AKAP13: variants seen among roughly 807,000 people sequenced by gnomAD.
AKAP13 encodes the protein A-kinase anchoring protein 13.
In AKAP13, 80 loss-of-function variants were observed where a neutral mutation model predicts 264.5. The observed-to-expected ratio is 0.30, with a 90% CI of 0.25 to 0.36. The LOEUF is 0.36. Among genes scored for constraint, AKAP13 ranks in the 10% least tolerant of loss-of-function variants. The pLI is 1.00. For synonymous variants in AKAP13, 1,380 were observed against 1,250.2 expected (o/e 1.10, Z -2.19); for missense variants, 3,712 against 3,435.2 (o/e 1.08, Z -2.01).
At chr15:85,575,701 A>AG (rs2151299047) in intron 6 of AKAP13, among the ~76,000 whole-genome samples, 1 of 152,284 alleles carries the variant, frequency 6.6e-6, no homozygotes, top group South Asian at 2.1e-4. Flanking sequence ...CAAAAAAAAA[A>AG]AAACTTTCCT....
chr15:85,537,598 C>G (rs1353985536), intron 4 of AKAP13, among the ~76,000 whole-genome samples: 2 of 152,164 alleles, frequency 1.3e-5, no homozygotes, highest in Non-Finnish European at 2.9e-5. Context: ...CTTAAGTCTC[C>G]CTGAACTTCA....
intron 7 of AKAP13, 121 bp downstream of exon 7, chr15:85,582,228 G>A: frequency 8.8e-7 from 1 of 1,132,724 alleles, no homozygotes; most frequent in Non-Finnish European, 1.2e-6. Flanking sequence ...TCATTGGGTA[G>A]GTAGCCAAGT....
rs568459648 is a variant in AKAP13 at position 85,662,701 on chromosome 15, T to A, written c.4800-1862T>A. Among the ~76,000 whole-genome samples, 7 of 152,310 alleles carry A rather than the reference T, an allele frequency of 4.6e-5. No homozygotes were observed. The South Asian group carries it at 1.5e-3, about 32-fold the overall frequency. On this transcript the variant is annotated intron_variant, in intron 12 of 36. Transcript: ENST00000394518. ...TAGATTTGATGTTTTCTGCACAGATTTATCTCTCTCTGTTTTGGTTTGTCT... is the reference window on the plus strand; with the variant it reads ...TAGATTTGATGTTTTCTGCACAGATATATCTCTCTCTGTTTTGGTTTGTCT...
At chr15:85,616,929 G>T (rs573217002) in intron 8 of AKAP13, among the ~76,000 whole-genome samples, 1 of 152,230 alleles carries the variant, frequency 6.6e-6, no homozygotes, top group South Asian at 2.1e-4. Context: ...AACAGAATAT[G>T]TAAGGAATTG....
At chr15:85,633,197 G>A (rs2081924185) in intron 8 of AKAP13, among the ~76,000 whole-genome samples, 2 of 152,138 alleles carry the variant, frequency 1.3e-5, no homozygotes, top group Admixed American at 6.6e-5. Flanking sequence ...TTTCTAAACT[G>A]TTGGCCCCTT....
chr15:85,745,008 T>C lies in AKAP13; in HGVS notation c.*331T>C, dbSNP rs909074636. 2 of 234,040 alleles carry C rather than the reference T, an allele frequency of 8.5e-6. No homozygotes were observed. Among genetic ancestry groups the C allele is most frequent in the Admixed American group, 5.0e-5 (1 of 19,876 alleles). The allele number at this position is 234,040 out of a possible 1,614,324, so 14.5% of individuals were successfully genotyped here. On this transcript the variant is annotated 3_prime_UTR_variant, in exon 37 of 37. Transcript: ENST00000394518. ...CAGGAATTCCTAAAGGCTGAAAGAG[T>C]GTATCCAAGTAAGGTCTGAACCTCC... is the stretch of plus-strand genomic sequence containing the variant.
intron 1 of AKAP13, among the ~76,000 whole-genome samples, chr15:85,479,772 G>A (rs2075294164): frequency 6.6e-6 from 1 of 152,148 alleles, no homozygotes; most frequent in Non-Finnish European, 1.5e-5. Context: ...CCCCTTTTTA[G>A]GGACATGTCA....
intron 1 of AKAP13, among the ~76,000 whole-genome samples, chr15:85,452,275 A>G (rs1420490696): frequency 5.0e-5 from 7 of 141,204 alleles, no homozygotes; most frequent in Non-Finnish European, 9.3e-5. Flanking sequence ...GTATCACTTT[A>G]TTATGATTCT....
chr15:85,398,413 C>G (rs2071226455), intron 1 of AKAP13, among the ~76,000 whole-genome samples: 1 of 152,134 alleles, frequency 6.6e-6, no homozygotes, highest in Non-Finnish European at 1.5e-5. Context: ...ATTTTTCTTT[C>G]CAAACTTGAA....
chr15:85,453,694 A>G (rs2074174975), intron 1 of AKAP13, among the ~76,000 whole-genome samples: 1 of 150,966 alleles, frequency 6.6e-6, no homozygotes. Flanking sequence ...TGCCTCAGAC[A>G]CTCTGAAGCT....
chr15:85,458,379 A>ATTTTTTTTTT (rs937688611), intron 1 of AKAP13, among the ~76,000 whole-genome samples: 1 of 107,534 alleles, frequency 9.3e-6, no homozygotes, highest in East Asian at 2.8e-4. Flanking sequence ...CTTTTTTTGT[A>ATTTTTTTTTT]TTTTTTGTTT....
At chr15:85,413,937 T>C (rs1263772666) in intron 1 of AKAP13, among the ~76,000 whole-genome samples, 13 of 152,204 alleles carry the variant, frequency 8.5e-5, no homozygotes, top group Admixed American at 8.5e-4. Context: ...TTAAAGAATA[T>C]ATGTATATTT....
chr15:85,565,350 A>G lies in AKAP13; in HGVS notation c.663-9781A>G, dbSNP rs1302044289. Among the ~76,000 whole-genome samples the G allele has an allele frequency of 2.6e-5, 4 of 152,312 alleles. No individual in the cohort carries two copies. In the South Asian group the frequency reaches 6.2e-4, roughly 24 times the overall value. ...CACTTGTTTTTTGTCTGGTTTTTTA[A>G]AGTGTCAGCTGAGGCTATGGTGCCT... On this transcript the variant is annotated intron_variant, in intron 5 of 36. Coordinates refer to ENST00000394518, the MANE Select transcript of AKAP13 (RefSeq NM_007200.5).
At chr15:85,681,940 T>C (rs544723519) in intron 14 of AKAP13, among the ~76,000 whole-genome samples, 2 of 152,302 alleles carry the variant, frequency 1.3e-5, no homozygotes, top group African/African-American at 2.4e-5. Flanking sequence ...ATTAAACTTA[T>C]TTTCTTCATG....
chr15:85,692,836 T>A (rs72748162), intron 16 of AKAP13, among the ~76,000 whole-genome samples: 9,251 of 152,220 alleles, frequency 0.061, 409 homozygotes, highest in Admixed American at 0.16. Context: ...CACCCAGGCA[T>A]CTTTTTTTCC....
chr15:85,493,225 T>C (rs2075782861), intron 2 of AKAP13, among the ~76,000 whole-genome samples: 1 of 152,234 alleles, frequency 6.6e-6, no homozygotes, highest in African/African-American at 2.4e-5. Context: ...CCATTTTTAA[T>C]ATGGAACATA....
intron 1 of AKAP13, among the ~76,000 whole-genome samples, chr15:85,440,314 A>G (rs960482080): frequency 1.3e-5 from 2 of 152,172 alleles, no homozygotes; most frequent in Admixed American, 6.5e-5. Flanking sequence ...TCTGTCAGGC[A>G]TATTTCTGTT....
chr15:85,520,894 A>G (rs2076799041), intron 2 of AKAP13, among the ~76,000 whole-genome samples: 2 of 152,258 alleles, frequency 1.3e-5, no homozygotes, highest in African/African-American at 4.8e-5. Flanking sequence ...CTGGAGCCCA[A>G]GCTCGTCTTC....
intron 1 of AKAP13, among the ~76,000 whole-genome samples, chr15:85,468,551 GA>G (rs2074838073): frequency 6.6e-6 from 1 of 152,188 alleles, no homozygotes; most frequent in Non-Finnish European, 1.5e-5. Context: ...GGCTACTAAA[GA>G]GATGTCTTGG....
Sources: gnomAD v4.1 joint callset for allele counts (sites outside exome capture counted in the v4.1 genomes callset) on GRCh38, gnomAD v4.1.1 for gene constraint, MANE v1.5 for transcripts, NCBI Gene and HGNC (gene_info 2026-07-23, HGNC 2026-07-21) for gene names.